Variants in DEPTOR observed in about 807,000 individuals in gnomAD.
The protein encoded by DEPTOR is DEP domain containing MTOR interacting protein, also known as DEP domain-containing mTOR-interacting protein.
In DEPTOR, 41 loss-of-function variants were observed where a neutral mutation model predicts 41.6. The ratio of observed to expected loss-of-function variants is 0.98; its 90% CI spans 0.77 to 1.28. The LOEUF is 1.28. Ranked by LOEUF, DEPTOR falls within the 50% of genes most tolerant of loss-of-function variation. The pLI, the probability that DEPTOR is intolerant of heterozygous loss-of-function variation, is 0.00. For missense variants in DEPTOR, 514 were observed against 527.9 expected (o/e 0.97, Z 0.26); for synonymous variants, 195 against 192.3 (o/e 1.01, Z -0.12).
At chr8:120,019,008 A>T (rs1026986175) in intron 8 of DEPTOR, among the ~76,000 whole-genome samples, 3 of 152,172 alleles carry the variant, frequency 2.0e-5, no homozygotes, top group Admixed American at 6.5e-5. Context: ...GACATTTTTT[A>T]AATGCACAGC....
intron 8 of DEPTOR, among the ~76,000 whole-genome samples, chr8:120,043,837 C>G (rs1201707856): frequency 1.3e-5 from 2 of 151,892 alleles, no homozygotes; most frequent in Non-Finnish European, 2.9e-5. Flanking sequence ...CATGGTGAAA[C>G]CCCGTCTCTA....
At chr8:119,955,606 A>G (rs1332191043) in intron 3 of DEPTOR, among the ~76,000 whole-genome samples, 1 of 152,066 alleles carries the variant, frequency 6.6e-6, no homozygotes, top group Non-Finnish European at 1.5e-5. Flanking sequence ...AGCTGGGATT[A>G]CAGGCATGTG....
intron 1 of DEPTOR, among the ~76,000 whole-genome samples, chr8:119,912,929 G>T (rs1247005098): frequency 3.9e-5 from 6 of 152,090 alleles, no homozygotes; most frequent in Non-Finnish European, 7.4e-5. Context: ...TTTTTTGTTT[G>T]TTTGTTTTTG....
intron 8 of DEPTOR, among the ~76,000 whole-genome samples, chr8:120,029,375 T>A (rs962680896): frequency 3.9e-5 from 6 of 152,056 alleles, no homozygotes; most frequent in Non-Finnish European, 8.8e-5. Flanking sequence ...ATGCTTTGAG[T>A]CTTGAGTTTT....
chr8:119,967,064 T>TTTTTGTTTTGTTTTG, intron 4 of DEPTOR, among the ~76,000 whole-genome samples: 1 of 151,920 alleles, frequency 6.6e-6, no homozygotes, highest in Non-Finnish European at 1.5e-5. Context: ...ATGGGAGTCT[T>TTTTTGTTTTGTTTTG]TTTTGTTTTG....
chr8:119,949,773 G>A (rs1028263450), intron 3 of DEPTOR, among the ~76,000 whole-genome samples: 31 of 152,084 alleles, frequency 2.0e-4, no homozygotes, highest in Non-Finnish European at 3.5e-4. Flanking sequence ...TCCACCTCCC[G>A]GGTTCAAGCA....
intron 4 of DEPTOR, among the ~76,000 whole-genome samples, chr8:119,994,761 C>CA (rs1264433464): frequency 2.6e-5 from 4 of 151,366 alleles, no homozygotes; most frequent in African/African-American, 9.7e-5. Context: ...ACTAAAAATA[C>CA]AAAAAATTAG....
rs28411883 is a variant in DEPTOR at position 119,915,154 on chromosome 8, G to A, written c.123-13246G>A. Among the ~76,000 whole-genome samples the A allele has an allele frequency of 2.9e-3, 443 of 151,384 alleles. 2 individuals are homozygous for A. Among genetic ancestry groups the A allele is most frequent in the Non-Finnish European group, 4.8e-3 (328 of 67,776 alleles). The stretch of plus-strand genomic sequence containing the variant: ...GCTAATTTTTTAATTTTTTAGTAGA[G>A]GTGGGTTTCACCATGTTGGCCAGGA... On this transcript the variant is annotated intron_variant, in intron 1 of 8. Coordinates refer to ENST00000286234, the MANE Select transcript of DEPTOR (RefSeq NM_022783.4).
At chr8:119,908,278 T>G (rs1248287935) in intron 1 of DEPTOR, among the ~76,000 whole-genome samples, 2 of 152,046 alleles carry the variant, frequency 1.3e-5, no homozygotes, top group Non-Finnish European at 2.9e-5. Flanking sequence ...CAGTATCCCC[T>G]CTAATATACT....
intron 4 of DEPTOR, among the ~76,000 whole-genome samples, chr8:119,994,416 G>T (rs745997890): frequency 6.6e-6 from 1 of 152,128 alleles, no homozygotes; most frequent in East Asian, 1.9e-4. Context: ...CTATAAAAAC[G>T]ATCTTTGACT....
intron 3 of DEPTOR, among the ~76,000 whole-genome samples, chr8:119,950,494 C>A (rs565581656): frequency 6.6e-6 from 1 of 152,204 alleles, no homozygotes; most frequent in African/African-American, 2.4e-5. Context: ...CAGCTCACTG[C>A]AGCCTTCACC....
At chr8:120,002,306 A>G (rs867159039) in intron 5 of DEPTOR, among the ~76,000 whole-genome samples, 1 of 151,626 alleles carries the variant, frequency 6.6e-6, no homozygotes, top group African/African-American at 2.4e-5. Flanking sequence ...TGCCTGGCTC[A>G]TTTTTGTATT....
At chr8:119,995,677 A>C (rs1223838380) in intron 4 of DEPTOR, among the ~76,000 whole-genome samples, 1 of 152,144 alleles carries the variant, frequency 6.6e-6, no homozygotes, top group Non-Finnish European at 1.5e-5. Flanking sequence ...CTTAATTGCC[A>C]TGTTCTTGTG....
Position 120,003,080 on chromosome 8 carries a change from C to A in DEPTOR, c.894C>A (p.Ser298Arg). ...GYFSSSPTLS[S>R]SPPVLCNPKS... ...TCAGCAGCAGCCCCACCCTCAGCAG[C>A]AGCCCCCCTGTGCTCTGCAACCCCA... The change falls in exon 6 of 9, where the codon AGC becomes AGA. Residue 298 changes from serine to arginine, a missense_variant. Physicochemically the swap from Ser to Arg is moderately radical, Grantham distance 110. Coordinates refer to ENST00000286234, the MANE Select transcript of DEPTOR (RefSeq NM_022783.4). 1 of 1,613,138 alleles carries A rather than the reference C, an allele frequency of 6.2e-7. No homozygotes were observed. Among genetic ancestry groups the A allele is most frequent in the Non-Finnish European group, 8.5e-7 (1 of 1,179,948 alleles).
At chr8:119,986,943 A>T (rs915403405) in intron 4 of DEPTOR, among the ~76,000 whole-genome samples, 1 of 151,758 alleles carries the variant, frequency 6.6e-6, no homozygotes, top group African/African-American at 2.4e-5. Context: ...CATTTTTTTC[A>T]AGGTTCTTAG....
intron 4 of DEPTOR, among the ~76,000 whole-genome samples, chr8:119,995,667 C>T (rs1812249526): frequency 2.6e-5 from 4 of 151,834 alleles, no homozygotes; most frequent in Admixed American, 2.6e-4. Context: ...AAAGTTCCAA[C>T]TTAATTGCCA....
intron 4 of DEPTOR, among the ~76,000 whole-genome samples, chr8:119,977,605 G>A (rs573514233): frequency 2.6e-5 from 4 of 152,172 alleles, no homozygotes; most frequent in Non-Finnish European, 5.9e-5. Context: ...GACACAGCCA[G>A]AATGCTGTTG....
At chr8:120,041,895 A>G (rs1813078913) in intron 8 of DEPTOR, among the ~76,000 whole-genome samples, 1 of 152,112 alleles carries the variant, frequency 6.6e-6, no homozygotes, top group South Asian at 2.1e-4. Context: ...CCTAGGCTTC[A>G]TATTACTTGT....
chr8:119,875,688 G>A (rs1329750719), intron 1 of DEPTOR, among the ~76,000 whole-genome samples: 1 of 152,158 alleles, frequency 6.6e-6, no homozygotes. Flanking sequence ...AAGAGAGGCT[G>A]GGACGAGGGG....
Sources: gnomAD v4.1 joint callset for allele counts (sites outside exome capture counted in the v4.1 genomes callset) on GRCh38, gnomAD v4.1.1 for gene constraint, MANE v1.5 for transcripts, NCBI Gene and HGNC (gene_info 2026-07-23, HGNC 2026-07-21) for gene names.